NEGR1: variants seen among roughly 807,000 people sequenced by gnomAD.
NEGR1 encodes IgLON family member 4.
NEGR1 carries 10 observed loss-of-function variants against 40.9 expected under a neutral mutation model. The ratio of observed to expected loss-of-function variants is 0.24; its 90% confidence interval spans 0.15 to 0.42. The LOEUF is 0.42. Ranked by LOEUF, NEGR1 falls within the 10% of genes least tolerant of loss-of-function variation. The pLI, the probability that NEGR1 is intolerant of heterozygous loss-of-function variation, is 1.00. For missense variants in NEGR1, 352 were observed against 438.9 expected, an observed-to-expected ratio of 0.80 and a Z score of 1.77; for synonymous variants, 185 against 166.8, an observed-to-expected ratio of 1.11 and a Z score of -0.84.
chr1:71,783,908 A>G (rs901167013), intron 2 of NEGR1, among the ~76,000 whole-genome samples: 3 of 152,070 alleles, frequency 2.0e-5, no homozygotes, highest in African/African-American at 7.2e-5. Context: ...TCTCAGGGTG[A>G]CTAATCTTAA....
intron 3 of NEGR1, among the ~76,000 whole-genome samples, chr1:71,709,954 C>A (rs1010107917): frequency 6.6e-6 from 1 of 152,000 alleles, no homozygotes; most frequent in Non-Finnish European, 1.5e-5. Flanking sequence ...AAGAGACAAC[C>A]CATAGAATGG....
At chr1:72,079,364 A>T (rs1390446204) in intron 1 of NEGR1, among the ~76,000 whole-genome samples, 4 of 152,038 alleles carry the variant, frequency 2.6e-5, no homozygotes, top group Admixed American at 6.6e-5. Context: ...CAGTGGGAAC[A>T]GAAATATAAC....
chr1:71,985,494 C>A (rs533632296), intron 1 of NEGR1, among the ~76,000 whole-genome samples: 1 of 152,002 alleles, frequency 6.6e-6, no homozygotes, highest in Non-Finnish European at 1.5e-5. Context: ...ATTGTACCAC[C>A]GATAAATCCC....
rs71074804 is a variant in NEGR1 at position 71,759,596 on chromosome 1, C to CTT, written c.535+16574_535+16575dup. Among the ~76,000 whole-genome samples the CTT allele has an allele frequency of 7.8e-4, 25 of 31,960 alleles. 8 individuals are homozygous for CTT. The highest frequency in any genetic ancestry group is 2.2e-3 in the African/African-American group (24 of 10,772). 21.0% of individuals were successfully genotyped at this position (31,960 alleles called of 152,430 possible). ...ACAGGCGTGAGCCACTGCGTCCAGG[C>CTT]TTTTTTTTTTTTTTTTTTTTTTTTT... On this transcript the variant is annotated intron_variant, in intron 3 of 6. Coordinates refer to ENST00000357731, the MANE Select transcript of NEGR1 (RefSeq NM_173808.3).
At chr1:72,056,275 A>G (rs903682641) in intron 1 of NEGR1, among the ~76,000 whole-genome samples, 1 of 151,338 alleles carries the variant, frequency 6.6e-6, no homozygotes, top group African/African-American at 2.4e-5. Context: ...CTTTGTGAAT[A>G]GAGAGACCTT....
chr1:71,796,432 G>A (rs1460242740), intron 2 of NEGR1, among the ~76,000 whole-genome samples: 3 of 152,072 alleles, frequency 2.0e-5, no homozygotes, highest in East Asian at 1.9e-4. Flanking sequence ...AAAAATAATC[G>A]AGAAACAGGT....
At chr1:71,437,900 T>C (rs535147167) in intron 6 of NEGR1, among the ~76,000 whole-genome samples, 2 of 152,316 alleles carry the variant, frequency 1.3e-5, no homozygotes, top group East Asian at 3.9e-4. Flanking sequence ...GAGAGCTATA[T>C]TAAATATGCA....
intron 1 of NEGR1, among the ~76,000 whole-genome samples, chr1:72,212,644 A>G (rs1653653513): frequency 6.6e-6 from 1 of 152,054 alleles, no homozygotes; most frequent in Non-Finnish European, 1.5e-5. Context: ...AAAAAGCAAT[A>G]AAGAAGTAAT....
intron 3 of NEGR1, among the ~76,000 whole-genome samples, chr1:71,772,845 A>C (rs1656375288): frequency 6.6e-6 from 1 of 152,220 alleles, no homozygotes; most frequent in South Asian, 2.1e-4. Flanking sequence ...CAAATTGACA[A>C]AATCCCAATG....
At chr1:72,141,600 A>C (rs1405389300) in intron 1 of NEGR1, among the ~76,000 whole-genome samples, 2 of 152,000 alleles carry the variant, frequency 1.3e-5, no homozygotes, top group African/African-American at 2.4e-5. Context: ...AGTGACAGTA[A>C]TGTTGGTCAA....
chr1:71,503,018 G>A (rs1187625250), intron 6 of NEGR1, among the ~76,000 whole-genome samples: 2 of 152,122 alleles, frequency 1.3e-5, no homozygotes, highest in African/African-American at 4.8e-5. Flanking sequence ...TAGGCCTAGG[G>A]AACAATAGAA....
intron 1 of NEGR1, among the ~76,000 whole-genome samples, chr1:72,068,475 T>G (rs533696679): frequency 2.8e-4 from 43 of 152,256 alleles, no homozygotes; most frequent in Middle Eastern, 3.4e-3. Flanking sequence ...ACCTTTCTCC[T>G]GCAAAAACCC....
intron 6 of NEGR1, among the ~76,000 whole-genome samples, chr1:71,467,390 A>T (rs895992276): frequency 1.3e-5 from 2 of 152,100 alleles, no homozygotes; most frequent in African/African-American, 4.8e-5. Context: ...CATGTTATCT[A>T]TCATTTGTGC....
intron 1 of NEGR1, among the ~76,000 whole-genome samples, chr1:72,261,630 G>A (rs1480982399): frequency 6.6e-6 from 1 of 151,964 alleles, no homozygotes; most frequent in Non-Finnish European, 1.5e-5. Context: ...GCAACGCTTG[G>A]CATAAAGCAT....
chr1:71,769,655 C>G (rs1218558386), intron 3 of NEGR1, among the ~76,000 whole-genome samples: 1 of 152,142 alleles, frequency 6.6e-6, no homozygotes, highest in Non-Finnish European at 1.5e-5. Flanking sequence ...CTTCCCCTTC[C>G]ACCATGATTG....
At chr1:71,523,861 A>T (rs912440224) in intron 6 of NEGR1, among the ~76,000 whole-genome samples, 5 of 152,030 alleles carry the variant, frequency 3.3e-5, no homozygotes, top group African/African-American at 1.2e-4. Context: ...TTTGGACTAC[A>T]GGCATTATTT....
intron 2 of NEGR1, among the ~76,000 whole-genome samples, chr1:71,847,967 T>C (rs1459728042): frequency 6.6e-6 from 1 of 152,126 alleles, no homozygotes; most frequent in African/African-American, 2.4e-5. Flanking sequence ...CTGAAATGAA[T>C]ACACAAATGA....
chr1:71,762,771 A>T (rs1269882536), intron 3 of NEGR1, among the ~76,000 whole-genome samples: 1 of 152,166 alleles, frequency 6.6e-6, no homozygotes, highest in East Asian at 1.9e-4. Context: ...TCTATAAATG[A>T]CAAAATTACA....
intron 6 of NEGR1, among the ~76,000 whole-genome samples, chr1:71,416,099 T>G (rs970093519): frequency 1.3e-5 from 2 of 152,180 alleles, no homozygotes; most frequent in Admixed American, 1.3e-4. Context: ...GTTCTTAAGG[T>G]CAGTAATAGT....
Sources: gnomAD v4.1 joint callset for allele counts (sites outside exome capture counted in the v4.1 genomes callset) on GRCh38, gnomAD v4.1.1 for gene constraint, MANE v1.5 for transcripts, NCBI Gene and HGNC (gene_info 2026-07-23, HGNC 2026-07-21) for gene names.